Variants in OR51B5 observed in about 807,000 individuals in gnomAD.
OR51B5 encodes the protein olfactory receptor 51B5.
For missense variants in OR51B5, 456 were observed against 374.6 expected, an observed-to-expected ratio of 1.22 and a Z score of -1.79; for synonymous variants, 186 against 144.8, an observed-to-expected ratio of 1.28 and a Z score of -2.04.
intron 1 of OR51B5, among the ~76,000 whole-genome samples, chr11:5,499,339 T>C (rs1332583690): frequency 6.7e-6 from 1 of 150,180 alleles, no homozygotes; most frequent in Non-Finnish European, 1.5e-5. Context: ...ACAGGATTTA[T>C]AAATTTGGAT....
chr11:5,369,615 G>A (rs1849421238), intron 1 of OR51B5, among the ~76,000 whole-genome samples: 1 of 151,984 alleles, frequency 6.6e-6, no homozygotes. Context: ...TAAATATAAA[G>A]TAAAGACCTT....
chr11:5,497,042 T>TA (rs199964356), intron 1 of OR51B5, among the ~76,000 whole-genome samples: 3 of 151,186 alleles, frequency 2.0e-5, no homozygotes, highest in African/African-American at 7.3e-5. Flanking sequence ...AATCAATGTT[T>TA]AAAAAAAAAA....
At chr11:5,459,012 G>C (rs2133792235) in intron 1 of OR51B5, among the ~76,000 whole-genome samples, 1 of 152,288 alleles carries the variant, frequency 6.6e-6, no homozygotes, top group African/African-American at 2.4e-5. Flanking sequence ...GGTAAAAGTG[G>C]ACAGCCTTGC....
chr11:5,405,965 G>C (rs1176030723), intron 1 of OR51B5, among the ~76,000 whole-genome samples: 3 of 152,126 alleles, frequency 2.0e-5, no homozygotes, highest in Non-Finnish European at 2.9e-5. Context: ...TCAATGGCCA[G>C]ATAAATAAGA....
chr11:5,471,046 TGTC>T (rs1187698580), intron 1 of OR51B5, among the ~76,000 whole-genome samples: 1 of 152,238 alleles, frequency 6.6e-6, no homozygotes, highest in Non-Finnish European at 1.5e-5. Context: ...CATAAGAACT[TGTC>T]GTCTTCCAAT....
At chr11:5,453,882 T>C in intron 1 of OR51B5, 1 of 1,614,242 alleles carries the variant, frequency 6.2e-7, no homozygotes, top group Non-Finnish European at 8.5e-7. Context: ...CCCCTTGCGC[T>C]ATGCAACTGT....
intron 1 of OR51B5, among the ~76,000 whole-genome samples, chr11:5,493,023 C>T (rs924098536): frequency 7.9e-5 from 12 of 152,088 alleles, no homozygotes; most frequent in African/African-American, 2.9e-4. Context: ...TCTGATCCAC[C>T]GTTGAAAAAT....
intron 1 of OR51B5, among the ~76,000 whole-genome samples, chr11:5,379,564 C>G (rs1589964034): frequency 6.6e-6 from 1 of 151,768 alleles, no homozygotes; most frequent in Non-Finnish European, 1.5e-5. Flanking sequence ...TGCAATGTGT[C>G]TTTTTCTATG....
intron 1 of OR51B5, among the ~76,000 whole-genome samples, chr11:5,417,450 T>G (rs994834268): frequency 6.6e-6 from 1 of 151,726 alleles, no homozygotes; most frequent in African/African-American, 2.4e-5. Context: ...ACTAAAGATC[T>G]TCTGCGCAGC....
upstream of OR51B5, chr11:5,346,021 C>T (rs1230734943): frequency 6.6e-6 from 1 of 152,186 alleles, no homozygotes; most frequent in East Asian, 1.9e-4. Context: ...CTATGTACTT[C>T]ATTTCTCTGT....
chr11:5,496,669 G>A (rs1037903668), intron 1 of OR51B5, among the ~76,000 whole-genome samples: 2 of 152,306 alleles, frequency 1.3e-5, no homozygotes, highest in South Asian at 4.1e-4. Context: ...CTGTTTTTCA[G>A]TGCACCTTTG....
intron 1 of OR51B5, among the ~76,000 whole-genome samples, chr11:5,430,443 T>C (rs1850516804): frequency 6.6e-6 from 1 of 152,192 alleles, no homozygotes; most frequent in Non-Finnish European, 1.5e-5. Flanking sequence ...GTCATGTACA[T>C]GTGCACACAC....
intron 1 of OR51B5, chr11:5,422,912 C>T (rs543461364): frequency 9.9e-6 from 16 of 1,614,024 alleles, no homozygotes; most frequent in Admixed American, 3.3e-5. Context: ...TGAGCGACTC[C>T]GTGCCCTCAA....
At chr11:5,458,658 T>C (rs1334884021) in intron 1 of OR51B5, among the ~76,000 whole-genome samples, 7 of 152,208 alleles carry the variant, frequency 4.6e-5, no homozygotes, top group Admixed American at 3.9e-4. Flanking sequence ...ATTCTCATTG[T>C]AGAGATCATT....
chr11:5,361,319 TG>T lies in OR51B5; in HGVS notation n.85-14410del, dbSNP rs1364466105. 2.0e-5 allele frequency among the ~76,000 whole-genome samples: 3 copies of T among 152,192 alleles called. No homozygotes were observed. The East Asian group carries it at 5.8e-4, about 29-fold the overall frequency. ...TTCCAAAGTTCTAAATCCCTCAGGC[TG>T]GGAGAATAAAGAAGGAGGGAGGAGA... On this transcript the variant is annotated intron_variant and non_coding_transcript_variant, in intron 1 of 4. Coordinates refer to the OR51B5 transcript ENST00000415970.
chr11:5,494,780 T>C lies in OR51B5; in HGVS notation n.84+10789A>G, dbSNP rs189287728. On this transcript the variant is annotated intron_variant and non_coding_transcript_variant, in intron 1 of 4. Transcript: ENST00000415970. Reference sequence around the variant, plus strand: ...TATTCCTATAAAGTATAGGCCAAAATGCTTGGCACAGAGCAGATGTTTATT... The same window carrying C: ...TATTCCTATAAAGTATAGGCCAAAACGCTTGGCACAGAGCAGATGTTTATT... Among the ~76,000 whole-genome samples the C allele has an allele frequency of 9.8e-5, 15 of 152,320 alleles. No individual in the cohort carries two copies. The East Asian group carries it at 1.5e-3, about 16-fold the overall frequency.
intron 1 of OR51B5, among the ~76,000 whole-genome samples, chr11:5,443,943 A>G (rs1334091685): frequency 1.3e-5 from 2 of 152,104 alleles, no homozygotes; most frequent in African/African-American, 4.8e-5. Context: ...CCCGGTATTT[A>G]TAGGCACTAT....
chr11:5,452,290 G>T (rs1240440927), intron 1 of OR51B5, among the ~76,000 whole-genome samples: 1 of 151,906 alleles, frequency 6.6e-6, no homozygotes, highest in Admixed American at 6.6e-5. Context: ...GGATCACGAG[G>T]TCAGGAGATC....
intron 1 of OR51B5, among the ~76,000 whole-genome samples, chr11:5,409,533 G>A (rs955198363): frequency 3.3e-5 from 5 of 151,764 alleles, no homozygotes; most frequent in African/African-American, 1.2e-4. Context: ...CAAAATAAAT[G>A]CATTTAAAAG....
Sources: gnomAD v4.1 joint callset for allele counts (sites outside exome capture counted in the v4.1 genomes callset) on GRCh38, gnomAD v4.1.1 for gene constraint, MANE v1.5 for transcripts, NCBI Gene and HGNC (gene_info 2026-07-23, HGNC 2026-07-21) for gene names.